MTA3: variants seen among roughly 807,000 people sequenced by gnomAD.
The protein encoded by MTA3 is metastasis associated 1 family member 3, also known as metastasis-associated protein MTA3.
A neutral mutation model predicts 83.5 loss-of-function variants in MTA3; 34 were observed. The observed-to-expected ratio is 0.41, with a 90% CI of 0.31 to 0.54. The LOEUF (loss-of-function observed/expected upper bound fraction) is 0.54, where lower values mean the gene tolerates loss of function less well. Among genes scored for constraint, MTA3 ranks in the 20% least tolerant of loss-of-function variants. MTA3 has a pLI of 0.33. For missense variants in MTA3, 761 were observed against 726.4 expected (o/e 1.05, Z -0.55); for synonymous variants, 303 against 252.7 (o/e 1.20, Z -1.89).
At chr2:42,740,682 GA>G (rs1668962163) in intron 16 of MTA3, among the ~76,000 whole-genome samples, 1 of 152,228 alleles carries the variant, frequency 6.6e-6, no homozygotes, top group Non-Finnish European at 1.5e-5. Context: ...GTCATATTTT[GA>G]TTTTTTTTCC....
At chr2:42,700,218 A>G (rs1296146105) in intron 11 of MTA3, among the ~76,000 whole-genome samples, 1 of 152,092 alleles carries the variant, frequency 6.6e-6, no homozygotes, top group South Asian at 2.1e-4. Context: ...TGGAATCTGG[A>G]GCACTGATGA....
upstream of MTA3, among the ~76,000 whole-genome samples, chr2:42,566,559 T>C (rs137900561): frequency 5.3e-5 from 8 of 152,258 alleles, no homozygotes; most frequent in Non-Finnish European, 1.5e-5. Context: ...CTTTGAGGCC[T>C]TTCATGGGGG....
intron 3 of MTA3, among the ~76,000 whole-genome samples, chr2:42,605,206 C>G (rs1558487612): frequency 1.0e-5 from 1 of 97,368 alleles, no homozygotes; most frequent in Non-Finnish European, 2.1e-5. Context: ...GCTGGCCGGG[C>G]GGGGGGGCTG....
At chr2:42,672,645 CAAAAAAAAAAAAAAA>C (rs5830734) in intron 8 of MTA3, among the ~76,000 whole-genome samples, 57 of 51,566 alleles carry the variant, frequency 1.1e-3, no homozygotes, top group South Asian at 2.6e-3. Flanking sequence ...ATTCCATCTC[CAAAAAAAAAAAAAAA>C]AAAAAAAAAA....
intron 11 of MTA3, among the ~76,000 whole-genome samples, chr2:42,701,309 AAAATT>A (rs1693842208): frequency 1.3e-5 from 2 of 148,834 alleles, no homozygotes; most frequent in Non-Finnish European, 3.0e-5. Context: ...AAAAAAAAAA[AAAATT>A]AAAGGCCAGG....
At chr2:42,712,383 G>C (rs1211014286) in intron 14 of MTA3, among the ~76,000 whole-genome samples, 1 of 151,944 alleles carries the variant, frequency 6.6e-6, no homozygotes, top group Non-Finnish European at 1.5e-5. Flanking sequence ...GTGCAGCCTT[G>C]AACTCTGGGG....
chr2:42,740,215 T>TAA (rs1385662302), intron 16 of MTA3, among the ~76,000 whole-genome samples: 3 of 152,244 alleles, frequency 2.0e-5, no homozygotes, highest in African/African-American at 7.2e-5. Flanking sequence ...ACTTGAAAGT[T>TAA]AAACTTATTC....
chr2:42,697,275 C>T (rs1164344774), intron 10 of MTA3, among the ~76,000 whole-genome samples: 3 of 152,132 alleles, frequency 2.0e-5, no homozygotes, highest in Non-Finnish European at 2.9e-5. Flanking sequence ...ATGCATATCT[C>T]CCAACATTTG....
At chr2:42,665,138 G>T (rs965367710) in intron 8 of MTA3, among the ~76,000 whole-genome samples, 1 of 152,170 alleles carries the variant, frequency 6.6e-6, no homozygotes, top group East Asian at 1.9e-4. Flanking sequence ...TGTGGCTCAC[G>T]CCTGTAATCC....
At chr2:42,736,504 A>G (rs1668625724) in intron 16 of MTA3, among the ~76,000 whole-genome samples, 2 of 152,146 alleles carry the variant, frequency 1.3e-5, no homozygotes, top group Non-Finnish European at 2.9e-5. Context: ...CCAGCCAGGC[A>G]TCTTCCCTTC....
chr2:42,607,563 T>C (rs1233624106), intron 3 of MTA3, among the ~76,000 whole-genome samples: 4 of 152,032 alleles, frequency 2.6e-5, no homozygotes, highest in Non-Finnish European at 5.9e-5. Context: ...TGTTTGGTCT[T>C]GAACTCCTGG....
At chr2:42,545,232 G>C (rs2103756871) in intron 2 of MTA3, among the ~76,000 whole-genome samples, 1 of 152,248 alleles carries the variant, frequency 6.6e-6, no homozygotes, top group African/African-American at 2.4e-5. Flanking sequence ...ACAAAAATTA[G>C]CTGGGTATGG....
chr2:42,754,334 C>T lies in MTA3; in HGVS notation c.*935C>T, dbSNP rs1275863195. 1.0e-6 allele frequency: 1 copy of T among 985,372 alleles called. No individual in the cohort carries two copies. Among genetic ancestry groups the T allele is most frequent in the Admixed American group, 6.1e-5 (1 of 16,262 alleles). The allele number at this position is 985,372 out of a possible 1,614,324, so 61.0% of individuals were successfully genotyped here. On this transcript the variant is annotated 3_prime_UTR_variant, in exon 17 of 17. Transcript: ENST00000405094. Reference sequence around the variant, plus strand: ...GGCCTAGAGGTGTGGAGTGAGAGAACTGTGTTTGTGGGTATGAGTCTGTGT... The same window carrying T: ...GGCCTAGAGGTGTGGAGTGAGAGAATTGTGTTTGTGGGTATGAGTCTGTGT...
intron 16 of MTA3, among the ~76,000 whole-genome samples, chr2:42,746,979 A>G (rs1304800039): frequency 5.3e-5 from 8 of 151,740 alleles, no homozygotes; most frequent in Non-Finnish European, 1.2e-4. Context: ...AAACCCAGCA[A>G]GTCTTGTCTG....
At chr2:42,570,557 A>G in intron 2 of MTA3, 53 bp downstream of exon 2, 1 of 1,126,324 alleles carries the variant, frequency 8.9e-7, no homozygotes, top group Non-Finnish European at 1.2e-6. Context: ...TTTTCCCTTG[A>G]TGGGTAATTG....
At chr2:42,675,830 C>T (rs903028737) in intron 8 of MTA3, among the ~76,000 whole-genome samples, 1 of 152,170 alleles carries the variant, frequency 6.6e-6, no homozygotes, top group Non-Finnish European at 1.5e-5. Context: ...TCATGTAAAG[C>T]TCTTAAGGGT....
At chr2:42,577,749 G>A (rs1298403389) in intron 2 of MTA3, among the ~76,000 whole-genome samples, 1 of 152,132 alleles carries the variant, frequency 6.6e-6, no homozygotes, top group Non-Finnish European at 1.5e-5. Context: ...AAAGTGTTGG[G>A]ATTACAGGTG....
chr2:42,740,346 A>G (rs116542219), intron 16 of MTA3, among the ~76,000 whole-genome samples: 1,548 of 152,330 alleles, frequency 0.01, 24 homozygotes, highest in African/African-American at 0.036. Context: ...CCCTGTCTCT[A>G]TAAAAAATAC....
rs559511370 is a variant in MTA3 at position 42,607,483 on chromosome 2, G to T, written c.191-1975G>T. ...CACCTTCCACCTCCTGGGCTCAAGC[G>T]ATCCTCCTACATCAGTCTCTGAGTA... On this transcript the variant is annotated intron_variant, in intron 3 of 16. Coordinates refer to ENST00000405094, the MANE Select transcript of MTA3 (RefSeq NM_001330442.2). Among the ~76,000 whole-genome samples the T allele has an allele frequency of 7.2e-4, 110 of 152,188 alleles. 1 individual carries two copies. Among genetic ancestry groups the T allele is most frequent in the African/African-American group, 2.5e-3 (105 of 41,538 alleles).
Sources: allele counts gnomAD v4.1 joint callset (sites outside exome capture counted in the v4.1 genomes callset), GRCh38; gene constraint gnomAD v4.1.1; transcripts MANE v1.5; gene names NCBI Gene and HGNC (gene_info 2026-07-23, HGNC 2026-07-21).